Variants in CLDN7 observed in about 807,000 individuals in gnomAD.
CLDN7 encodes claudin 7.
CLDN7 carries 15 observed loss-of-function variants against 20.3 expected under a neutral mutation model. The observed-to-expected ratio is 0.74, with a 90% confidence interval of 0.49 to 1.14. CLDN7 has a LOEUF of 1.14. Among genes scored for constraint, CLDN7 ranks in the 50% most tolerant of loss-of-function variants. The probability of loss-of-function intolerance (pLI) is 0.00; values close to 1 mark genes in which losing one functional copy is unlikely to be tolerated. For synonymous variants in CLDN7, 117 were observed against 106.1 expected (o/e 1.10, Z -0.63); for missense variants, 261 against 274.2 (o/e 0.95, Z 0.34).
chr17:7,261,413 G>A (rs2143002250), intron 1 of CLDN7, among the ~76,000 whole-genome samples: 1 of 152,292 alleles, frequency 6.6e-6, no homozygotes, highest in East Asian at 1.9e-4. Context: ...GCAGCAGGCG[G>A]CGGCCCACTC....
chr17:7,262,556 G>A (rs1404825325), upstream of CLDN7: 1 of 246,374 alleles, frequency 4.1e-6, no homozygotes, highest in East Asian at 1.8e-4. The surrounding 1 kb of genome is among the most constrained non-coding windows in gnomAD (Gnocchi z 6.6). Context: ...GGGAGGGGGA[G>A]GCGGGACCGG....
At position 7,260,912 on chromosome 17, in the gene CLDN7, C is replaced by T. The variant is rs144832882; in HGVS notation, c.297G>A (p.Thr99=). The change falls in exon 2 of 4, where the codon ACG becomes ACA. Residue 99 remains threonine (T), a synonymous_variant. Coordinates refer to ENST00000360325, the MANE Select transcript of CLDN7 (RefSeq NM_001307.6). ...VLGFLAMFVA[T]MGMKCTRCGG... The stretch of plus-strand genomic sequence containing the variant: ...CACAGCGCGTGCACTTCATGCCCAT[C>T]GTGGCCACAAACATGGCCAGGAAGC... 7.5e-4 allele frequency: 1,214 copies of T among 1,614,196 alleles called. No homozygotes were observed. Among genetic ancestry groups the T allele is most frequent in the Non-Finnish European group, 9.9e-4 (1,166 of 1,180,038 alleles).
rs908450344 is a variant in CLDN7, at chr17:7,260,925, A to G, written c.284T>C (p.Met95Thr). 3.3e-5 allele frequency: 53 copies of G among 1,613,906 alleles called. No homozygotes were observed. Among genetic ancestry groups the G allele is most frequent in the Non-Finnish European group, 4.3e-5 (51 of 1,180,008 alleles). Reference sequence around the variant, plus strand: ...CTTCATGCCCATCGTGGCCACAAACATGGCCAGGAAGCCCAGCACCAGGGA... The same window carrying G: ...CTTCATGCCCATCGTGGCCACAAACGTGGCCAGGAAGCCCAGCACCAGGGA... ...VVSLVLGFLA[M>T]FVATMGMKCT... Residue 95 changes from methionine to threonine, a missense_variant, in exon 2 of 4, where the codon ATG becomes ACG. Met to Thr is a moderately conservative substitution (Grantham distance 81). Coordinates refer to ENST00000360325, the MANE Select transcript of CLDN7 (RefSeq NM_001307.6).
In CLDN7 at chr17:7,260,665, G is replaced by A. The variant is rs1436849040; in HGVS notation, c.450C>T (p.Asn150=). 1 of 1,614,192 alleles carries A rather than the reference G, an allele frequency of 6.2e-7. No individual in the cohort carries two copies. Among genetic ancestry groups the A allele is most frequent in the South Asian group, 1.1e-5 (1 of 91,082 alleles). ...ACTTAATGTTGGTAGGGATCAAAGG[G>A]TTATAAAAGTCTGTGACAATCTGAT... ...YGHQIVTDFY[N]PLIPTNIKYE... Residue 150 remains asparagine, a synonymous_variant, in exon 3 of 4, where the codon AAC becomes AAT. Coordinates refer to ENST00000360325, the MANE Select transcript of CLDN7 (RefSeq NM_001307.6).
chr17:7,260,914 T>C lies in CLDN7; in HGVS notation c.295A>G (p.Thr99Ala), dbSNP rs758959441. ...VLGFLAMFVA[T>A]MGMKCTRCGG... ...CAGCGCGTGCACTTCATGCCCATCG[T>C]GGCCACAAACATGGCCAGGAAGCCC... is the stretch of plus-strand genomic sequence containing the variant. Residue 99 changes from threonine to alanine, a missense_variant, in exon 2 of 4, where the codon ACG becomes GCG. By Grantham distance (58) the Thr-to-Ala change is moderately conservative (BLOSUM62 0). Around this residue, in one of 2 missense-constraint regions of CLDN7, gnomAD observed 215 missense variants for 199.6 expected, o/e 1.08. Coordinates refer to ENST00000360325, the MANE Select transcript of CLDN7 (RefSeq NM_001307.6). 1.3e-4 allele frequency: 203 copies of C among 1,614,064 alleles called. No homozygotes were observed. Among genetic ancestry groups the C allele is most frequent in the Non-Finnish European group, 1.7e-4 (198 of 1,180,034 alleles).
intron 1 of CLDN7, chr17:7,261,216 C>G (rs1597590383): frequency 1.7e-6 from 1 of 586,246 alleles, no homozygotes; most frequent in South Asian, 2.0e-5. Context: ...AAGGATCCGC[C>G]CGGGGCGCCG....
chr17:7,261,741 TG>T, intron 1 of CLDN7, 79 bp downstream of exon 1: 1 of 1,378,932 alleles, frequency 7.3e-7, no homozygotes, highest in Non-Finnish European at 9.7e-7. Flanking sequence ...CCCCCAGCCG[TG>T]GGGCCTCGGC....
At chr17:7,261,068 C>T in intron 1 of CLDN7, 83 bp from the exon 2 acceptor site, 1 of 1,492,658 alleles carries the variant, frequency 6.7e-7, no homozygotes, top group South Asian at 1.3e-5. Context: ...GCCCACTAAC[C>T]GCTGGACCTC....
In CLDN7 at chr17:7,260,416, G is replaced by C; in HGVS notation, c.594C>G (p.Pro198=). 2 of 1,613,544 alleles carry C rather than the reference G, an allele frequency of 1.2e-6. No individual in the cohort carries two copies. The highest frequency in any genetic ancestry group is 1.7e-6 in the Non-Finnish European group (2 of 1,179,740). Residue 198 remains proline, a synonymous_variant, in exon 4 of 4, where the codon CCC becomes CCG. Coordinates refer to ENST00000360325, the MANE Select transcript of CLDN7 (RefSeq NM_001307.6). The part of the protein sequence containing the change: ...GNESKAGYRV[P]RSYPKSNSSK... ...AAGAGTTGGACTTAGGGTAAGAGCG[G>C]GGTACACGGTACCCAGCCTTGCTCT...
Position 7,260,141 on chromosome 17 carries a change from C to T in CLDN7, c.*233G>A. On this transcript the variant is annotated 3_prime_UTR_variant, in exon 4 of 4. Coordinates refer to ENST00000360325, the MANE Select transcript of CLDN7 (RefSeq NM_001307.6). ...GCCCTGAAGGGAAAAAAGCCTGCTT[C>T]CCAATACTTATTTTTTATTACTGTA... 2.3e-6 allele frequency: 1 copy of T among 431,410 alleles called. No homozygotes were observed. The highest frequency in any genetic ancestry group is 4.0e-5 in the East Asian group (1 of 25,274). 26.7% of individuals were successfully genotyped at this position (431,410 alleles called of 1,614,324 possible).
chr17:7,262,500 G>T, upstream of CLDN7: 1 of 749,722 alleles, frequency 1.3e-6, no homozygotes, highest in Non-Finnish European at 1.6e-6. This position sits in a 1 kb window ranked among gnomAD's most constrained non-coding sequence, Gnocchi z 6.6. Context: ...GCGCACCTGA[G>T]TATATGTAGG....
Position 7,262,109 on chromosome 17 carries a change from G to A in CLDN7, c.-66C>T. On this transcript the variant is annotated 5_prime_UTR_variant, in exon 1 of 4. Transcript: ENST00000360325. This position sits in a 1 kb window ranked among gnomAD's most constrained non-coding sequence, Gnocchi z 6.6. ...CCCTACAGTAAAACAAACGACACTTGGGGGGCAGCCCCACAAAAGAAAACT... is the reference window on the plus strand; with the variant it reads ...CCCTACAGTAAAACAAACGACACTTAGGGGGCAGCCCCACAAAAGAAAACT... The A allele has an allele frequency of 6.5e-7, 1 of 1,529,834 alleles. No individual in the cohort carries two copies. Among genetic ancestry groups the A allele is most frequent in the Non-Finnish European group, 8.8e-7 (1 of 1,136,584 alleles). The allele number at this position is 1,529,834 out of a possible 1,614,324, so 94.8% of individuals were successfully genotyped here.
chr17:7,260,809 C>G lies in CLDN7; in HGVS notation c.388+12G>C, dbSNP rs1567595696. 2 of 1,614,212 alleles carry G rather than the reference C, an allele frequency of 1.2e-6. No individual in the cohort carries two copies. Among genetic ancestry groups the G allele is most frequent in the Admixed American group, 3.3e-5 (2 of 60,032 alleles). The stretch of plus-strand genomic sequence containing the variant: ...CCTTGCTCCTCCCAGATGGGAGAAC[C>G]CGGGGGCTCACCTGCCACGATGAAA... On this transcript the variant is annotated intron_variant, in intron 2 of 3. Coordinates refer to ENST00000360325, the MANE Select transcript of CLDN7 (RefSeq NM_001307.6).
At position 7,261,903 on chromosome 17, in the gene CLDN7, G is replaced by C; in HGVS notation, c.141C>G (p.Tyr47Ter). ...GDNIITAQAM[Y>*]KGLWMDCVTQ... ...TGACGCAGTCCATCCACAGCCCCTTGTACATGGCCTGGGCCGTGATGATGT... is the reference window on the plus strand; with the variant it reads ...TGACGCAGTCCATCCACAGCCCCTTCTACATGGCCTGGGCCGTGATGATGT... The change falls in exon 1 of 4, where the codon TAC becomes TAG. Residue 47 changes from tyrosine to a stop codon, truncating the protein, a stop_gained. Transcript: ENST00000360325. LOFTEE classifies it high-confidence loss of function. The C allele has an allele frequency of 6.2e-7, 1 of 1,614,212 alleles. No homozygotes were observed. Among genetic ancestry groups the C allele is most frequent in the Non-Finnish European group, 8.5e-7 (1 of 1,180,046 alleles).
chr17:7,261,753 TCTC>T (rs1401450319), intron 1 of CLDN7, 65 bp downstream of exon 1: 2 of 1,490,770 alleles, frequency 1.3e-6, no homozygotes, highest in Non-Finnish European at 1.8e-6. Flanking sequence ...GGGCCTCGGC[TCTC>T]CCACGCGCGC....
rs1036597111 is a variant in CLDN7 at position 7,262,303 on chromosome 17, C to T, written c.-260G>A. The T allele has an allele frequency of 3.7e-6, 5 of 1,363,476 alleles. No individual in the cohort carries two copies. Among genetic ancestry groups the T allele is most frequent in the Non-Finnish European group, 4.7e-6 (5 of 1,055,578 alleles). 84.5% of individuals were successfully genotyped at this position (1,363,476 alleles called of 1,614,324 possible). ...GTGGTTCCAGACAAAATTGGTGGTC[C>T]CCGAAGGCCAGGCGGTTCCCTCCGG... On this transcript the variant is annotated 5_prime_UTR_variant, in exon 1 of 4. Coordinates refer to ENST00000360325, the MANE Select transcript of CLDN7 (RefSeq NM_001307.6). The surrounding 1 kb of genome is among the most constrained non-coding windows in gnomAD (Gnocchi z 6.6).
rs2072238455 is a variant in CLDN7 at position 7,262,254 on chromosome 17, C to T, written c.-211G>A. 1 of 1,423,448 alleles carries T rather than the reference C, an allele frequency of 7.0e-7. No homozygotes were observed. The highest frequency in any genetic ancestry group is 9.1e-7 in the Non-Finnish European group (1 of 1,093,364). The allele number at this position is 1,423,448 out of a possible 1,614,324, so 88.2% of individuals were successfully genotyped here. A position where few individuals can be genotyped will look rare whatever the true frequency, so the allele number is the denominator to read the frequency against. ...CCAGTGAAGCGATGGCCTCGCGGCA[C>T]AGGGAGTAGGATACGCCGGGAGGGT... is the stretch of plus-strand genomic sequence containing the variant. On this transcript the variant is annotated 5_prime_UTR_variant, in exon 1 of 4. It adds an upstream start codon to the 5' untranslated region. Transcript: ENST00000360325. The surrounding 1 kb of genome is among the most constrained non-coding windows in gnomAD (Gnocchi z 6.6).
Position 7,260,232 on chromosome 17 carries a change from A to T in CLDN7, c.*142T>A. On this transcript the variant is annotated 3_prime_UTR_variant, in exon 4 of 4. Transcript: ENST00000360325. ...GGCACCCCCCCACCCCCAACCCAAG[A>T]GGACTATACATGGAGTGCAGGGACA... 8 of 533,242 alleles carry T rather than the reference A, an allele frequency of 1.5e-5. No individual in the cohort carries two copies. The highest frequency in any genetic ancestry group is 4.7e-5 in the East Asian group (1 of 21,432). 33.0% of individuals were successfully genotyped at this position (533,242 alleles called of 1,614,324 possible).
chr17:7,262,505 T>C (rs1237978828), upstream of CLDN7: 45 of 709,600 alleles, frequency 6.3e-5, no homozygotes, highest in Non-Finnish European at 7.8e-5. This position sits in a 1 kb window ranked among gnomAD's most constrained non-coding sequence, Gnocchi z 6.6. Flanking sequence ...CCTGAGTATA[T>C]GTAGGGCGTC....
Sources: gnomAD v4.1 joint callset for allele counts (sites outside exome capture counted in the v4.1 genomes callset) on GRCh38, gnomAD v4.1.1 for gene constraint, gnomAD v4.1.1 regional missense constraint, Gnocchi (gnomAD v3.1) non-coding constraint, MANE v1.5 for transcripts, NCBI Gene and HGNC (gene_info 2026-07-23, HGNC 2026-07-21) for gene names.